Variants in CELA1 observed in about 807,000 individuals in gnomAD.
The protein encoded by CELA1 is chymotrypsin-like elastase family member 1.
Under a neutral mutation model 34.8 loss-of-function variants are expected in CELA1, and 28 were observed. The observed-to-expected ratio is 0.80, with a 90% CI of 0.60 to 1.10. The LOEUF (loss-of-function observed/expected upper bound fraction) is 1.10, where lower values mean the gene tolerates loss of function less well. CELA1 is among the 50% of genes least tolerant of loss of function. CELA1 has a pLI of 0.00. For missense variants in CELA1, 288 were observed against 327.5 expected (o/e 0.88, Z 0.93); for synonymous variants, 140 against 129.8 (o/e 1.08, Z -0.53).
At chr12:51,328,737 G>T in intron 7 of CELA1, 143 bp from the exon 8 acceptor site, 1 of 837,340 alleles carries the variant, frequency 1.2e-6, no homozygotes, top group Non-Finnish European at 2.0e-6. Context: ...CAGGAAGTCA[G>T]CCTCAACTGT....
chr12:51,342,473 A>G (rs1946542122), intron 4 of CELA1, 102 bp downstream of exon 4: 6 of 1,534,798 alleles, frequency 3.9e-6, no homozygotes, highest in Non-Finnish European at 5.3e-6. Context: ...GTTTCAGGCC[A>G]TGCAATCCCT....
At chr12:51,341,447 G>A in intron 4 of CELA1, 67 bp from the exon 5 acceptor site, 4 of 1,555,252 alleles carry the variant, frequency 2.6e-6, no homozygotes, top group Non-Finnish European at 3.5e-6. Context: ...ATATACACTG[G>A]CCCTCTCTAA....
chr12:51,339,750 G>A, intron 6 of CELA1, 110 bp downstream of exon 6: 1 of 1,024,092 alleles, frequency 9.8e-7, no homozygotes, highest in Non-Finnish European at 1.4e-6. Context: ...GTAGAAAATT[G>A]AGTCTGTGTA....
intron 6 of CELA1, 22 bp downstream of exon 6, chr12:51,339,838 G>C (rs769574382): frequency 6.3e-7 from 1 of 1,593,000 alleles, no homozygotes; most frequent in Admixed American, 1.7e-5. Flanking sequence ...GACCTGGGGT[G>C]GGACCCCCTG....
chr12:51,343,958 G>T, intron 2 of CELA1, 105 bp from the exon 3 acceptor site: 1 of 680,328 alleles, frequency 1.5e-6, no homozygotes. Context: ...ACTTTGGAAG[G>T]CTGAGGCAGG....
chr12:51,338,255 TACACACACAC>T (rs758082342), intron 6 of CELA1, among the ~76,000 whole-genome samples: 12 of 116,856 alleles, frequency 1.0e-4, no homozygotes, highest in African/African-American at 2.9e-4. Context: ...AAAAAAAACA[TACACACACAC>T]ACACACACAC....
intron 7 of CELA1, among the ~76,000 whole-genome samples, chr12:51,329,253 CAAAAAAA>C (rs71089791): frequency 0.012 from 1,251 of 102,130 alleles, 12 homozygotes; most frequent in African/African-American, 0.045. Context: ...GACTCTGTCT[CAAAAAAA>C]AAAAAAAAAA....
At position 51,329,670 on chromosome 12, in the gene CELA1, T is replaced by C. The variant is rs937486458; in HGVS notation, c.759+14A>G. On this transcript the variant is annotated intron_variant, in intron 7 of 7. Coordinates refer to ENST00000293636, the MANE Select transcript of CELA1 (RefSeq NM_001971.6). ...AGGTGACCCCATTTCAACCCATCAT[T>C]TGAGAGGACTCACATTATTTATCCA... is the stretch of plus-strand genomic sequence containing the variant. 1 of 1,600,012 alleles carries C rather than the reference T, an allele frequency of 6.2e-7. No homozygotes were observed. The highest frequency in any genetic ancestry group is 1.3e-5 in the African/African-American group (1 of 74,460).
At chr12:51,334,713 C>A (rs1946491407) in intron 6 of CELA1, among the ~76,000 whole-genome samples, 2 of 152,210 alleles carry the variant, frequency 1.3e-5, no homozygotes, top group South Asian at 4.1e-4. Flanking sequence ...GGATTACAGG[C>A]ATGAGCCACT....
chr12:51,337,994 G>A (rs1261239757), intron 6 of CELA1, among the ~76,000 whole-genome samples: 17 of 151,658 alleles, frequency 1.1e-4, no homozygotes, highest in African/African-American at 3.6e-4. Flanking sequence ...GGGAGGCAGA[G>A]GCAGGTGGAT....
intron 7 of CELA1, among the ~76,000 whole-genome samples, chr12:51,329,152 G>A (rs554059419): frequency 4.3e-4 from 65 of 151,440 alleles, no homozygotes; most frequent in African/African-American, 1.4e-3. Flanking sequence ...TACTTGGGAG[G>A]CTGAAGCAGG....
intron 6 of CELA1, among the ~76,000 whole-genome samples, chr12:51,331,244 C>G (rs964262909): frequency 1.5e-4 from 23 of 151,944 alleles, no homozygotes; most frequent in Admixed American, 1.5e-3. Flanking sequence ...CAAAAATTAG[C>G]CGGGCGTGGT....
Position 51,342,570 on chromosome 12 carries a change from C to G in CELA1, c.326+5G>C. ...AGCCCAGGGCCAGCTTGGACTTGCT[C>G]CTACCCGGCAGCCACGTTATCGCTG... On this transcript the variant is annotated splice_donor_5th_base_variant and intron_variant, in intron 4 of 7. Coordinates refer to ENST00000293636, the MANE Select transcript of CELA1 (RefSeq NM_001971.6). The G allele has an allele frequency of 6.2e-7, 1 of 1,614,110 alleles. No homozygotes were observed.
At position 51,344,548 on chromosome 12, in the gene CELA1, G is replaced by A. The variant is rs139200741; in HGVS notation, c.100-695C>T. ...TCTACTAAAAATGCAAAAATTAGTCGGGCGTGGTGGCATGCACCTGTAGTC... is the reference window on the plus strand; with the variant it reads ...TCTACTAAAAATGCAAAAATTAGTCAGGCGTGGTGGCATGCACCTGTAGTC... On this transcript the variant is annotated intron_variant, in intron 2 of 7. Coordinates refer to ENST00000293636, the MANE Select transcript of CELA1 (RefSeq NM_001971.6). Among the ~76,000 whole-genome samples the A allele has an allele frequency of 8.2e-4, 125 of 151,942 alleles. No individual in the cohort carries two copies. In the East Asian group the frequency reaches 0.014, roughly 17 times the overall value.
At chr12:51,336,818 C>T (rs1946501832) in intron 6 of CELA1, among the ~76,000 whole-genome samples, 2 of 152,178 alleles carry the variant, frequency 1.3e-5, no homozygotes, top group South Asian at 4.1e-4. Flanking sequence ...TCCAGATCCT[C>T]CTCCTTCCCT....
chr12:51,343,006 G>A (rs1946547054), intron 3 of CELA1, among the ~76,000 whole-genome samples: 1 of 151,864 alleles, frequency 6.6e-6, no homozygotes, highest in Non-Finnish European at 1.5e-5. Context: ...AGGGATATAA[G>A]ACTCTCCAAA....
rs572891006 is a variant in CELA1 at position 51,329,237 on chromosome 12, CAGTG to C, written c.759+443_759+446del. 5.6e-4 allele frequency among the ~76,000 whole-genome samples: 75 copies of C among 133,510 alleles called. No individual in the cohort carries two copies. In the East Asian group the frequency reaches 0.012, roughly 22 times the overall value. 87.6% of individuals were successfully genotyped at this position (133,510 alleles called of 152,430 possible). A position where few individuals can be genotyped will look rare whatever the true frequency, so the allele number is the denominator to read the frequency against. On this transcript the variant is annotated intron_variant, in intron 7 of 7. Transcript: ENST00000293636. ...CCACTGCACTCCAGCCTGGGTGACA[CAGTG>C]AGACTCTGTCTCAAAAAAAAAAAAA... is the stretch of plus-strand genomic sequence containing the variant.
intron 6 of CELA1, among the ~76,000 whole-genome samples, chr12:51,333,754 A>T (rs1361278867): frequency 6.6e-6 from 1 of 152,174 alleles, no homozygotes; most frequent in Non-Finnish European, 1.5e-5. Context: ...TTAGGAAACG[A>T]TGTTTTCTTT....
At chr12:51,328,692 T>C in intron 7 of CELA1, 98 bp from the exon 8 acceptor site, 1 of 1,369,726 alleles carries the variant, frequency 7.3e-7, no homozygotes, top group Non-Finnish European at 1.0e-6. Context: ...TGTACTGGGT[T>C]TATGGGAAGT....
Sources: allele counts gnomAD v4.1 joint callset (sites outside exome capture counted in the v4.1 genomes callset), GRCh38; gene constraint gnomAD v4.1.1; transcripts MANE v1.5; gene names NCBI Gene and HGNC (gene_info 2026-07-23, HGNC 2026-07-21).